The following SGCZ variants were observed in gnomAD, a reference collection of about 807,000 sequenced individuals.
SGCZ encodes zeta-sarcoglycan.
Under a neutral mutation model 41.3 loss-of-function variants are expected in SGCZ, and 40 were observed. The ratio of observed to expected loss-of-function variants is 0.97; its 90% CI spans 0.75 to 1.26. The LOEUF is 1.26. Among genes scored for constraint, SGCZ ranks in the 50% most tolerant of loss-of-function variants. SGCZ has a pLI of 0.00. For synonymous variants in SGCZ, 206 were observed against 137.5 expected (o/e 1.50, Z -3.49); for missense variants, 552 against 369.8 (o/e 1.49, Z -4.04).
intron 4 of SGCZ, among the ~76,000 whole-genome samples, chr8:14,218,746 G>A (rs191590657): frequency 6.3e-4 from 96 of 152,274 alleles, no homozygotes; most frequent in Non-Finnish European, 1.1e-3. Flanking sequence ...AAAATGTGTC[G>A]TAAAGCAGCA....
chr8:14,745,242 G>A (rs1468004906), intron 1 of SGCZ, among the ~76,000 whole-genome samples: 1 of 151,976 alleles, frequency 6.6e-6, no homozygotes. Context: ...AAACACATGT[G>A]TTAGTTGCCA....
chr8:14,825,187 T>C (rs1257136918), intron 1 of SGCZ, among the ~76,000 whole-genome samples: 2 of 152,176 alleles, frequency 1.3e-5, no homozygotes, highest in Non-Finnish European at 2.9e-5. Context: ...AAAACAAAAA[T>C]CTTAACATTA....
chr8:14,631,960 T>G (rs1301955602), intron 1 of SGCZ, among the ~76,000 whole-genome samples: 1 of 152,180 alleles, frequency 6.6e-6, no homozygotes. Flanking sequence ...CACATAATGT[T>G]TGTTACATTA....
At chr8:14,365,731 G>A (rs1205516324) in intron 2 of SGCZ, among the ~76,000 whole-genome samples, 1 of 151,836 alleles carries the variant, frequency 6.6e-6, no homozygotes, top group Non-Finnish European at 1.5e-5. Context: ...GGCTTAACAG[G>A]GATTGTTCCA....
chr8:14,457,581 G>C (rs527884155), intron 2 of SGCZ, among the ~76,000 whole-genome samples: 1 of 152,314 alleles, frequency 6.6e-6, no homozygotes, highest in Non-Finnish European at 1.5e-5. Context: ...CACGCTCCTA[G>C]TCCGCCTTCA....
At chr8:14,987,966 G>A (rs1801880130) in intron 1 of SGCZ, among the ~76,000 whole-genome samples, 2 of 151,872 alleles carry the variant, frequency 1.3e-5, no homozygotes, top group Admixed American at 1.3e-4. Flanking sequence ...AAAACACAGA[G>A]TGAATTTAAT....
chr8:14,764,237 C>G (rs1483962218), intron 1 of SGCZ, among the ~76,000 whole-genome samples: 8 of 152,136 alleles, frequency 5.3e-5, no homozygotes, highest in Non-Finnish European at 1.2e-4. Flanking sequence ...TATGTTAGAA[C>G]TTTTAAAATC....
At chr8:15,144,741 G>A (rs1351465595) in intron 1 of SGCZ, among the ~76,000 whole-genome samples, 1 of 152,218 alleles carries the variant, frequency 6.6e-6, no homozygotes, top group Non-Finnish European at 1.5e-5. Flanking sequence ...ACAGGCATGA[G>A]CAACGGCGCC....
chr8:14,935,640 A>C (rs773217348), intron 1 of SGCZ, among the ~76,000 whole-genome samples: 9 of 152,046 alleles, frequency 5.9e-5, no homozygotes, highest in Admixed American at 3.3e-4. Flanking sequence ...AGTCAAAGGC[A>C]ATTTATAGTA....
intron 5 of SGCZ, among the ~76,000 whole-genome samples, chr8:14,119,212 T>C (rs1802616774): frequency 6.6e-6 from 1 of 152,172 alleles, no homozygotes; most frequent in South Asian, 2.1e-4. Flanking sequence ...TGTTTTTCCA[T>C]TTGTTTGTGG....
chr8:14,354,377 T>A (rs1803214516), intron 2 of SGCZ, among the ~76,000 whole-genome samples: 1 of 151,818 alleles, frequency 6.6e-6, no homozygotes, highest in South Asian at 2.1e-4. Flanking sequence ...AAGAATTTTT[T>A]AAAAAACTCC....
chr8:15,094,558 C>A (rs908283485), intron 1 of SGCZ, among the ~76,000 whole-genome samples: 3 of 152,102 alleles, frequency 2.0e-5, no homozygotes, highest in African/African-American at 7.2e-5. Context: ...GTACTAAAGT[C>A]CTGAGTTAAA....
At chr8:15,126,790 T>C (rs922883010) in intron 1 of SGCZ, among the ~76,000 whole-genome samples, 1 of 151,898 alleles carries the variant, frequency 6.6e-6, no homozygotes, top group Non-Finnish European at 1.5e-5. Context: ...ACTGAAGCAT[T>C]GGGCACATGG....
intron 1 of SGCZ, among the ~76,000 whole-genome samples, chr8:14,711,414 A>C (rs531898024): frequency 9.0e-5 from 13 of 144,232 alleles, no homozygotes; most frequent in African/African-American, 2.9e-4. Context: ...ACATGGTAAA[A>C]TCTCCTCTCT....
intron 1 of SGCZ, among the ~76,000 whole-genome samples, chr8:14,654,770 T>C (rs960212783): frequency 6.6e-6 from 1 of 151,910 alleles, no homozygotes; most frequent in African/African-American, 2.4e-5. Context: ...GAAATAACTT[T>C]AGGTGTTTTA....
At chr8:15,164,167 G>T (rs268411) in intron 1 of SGCZ, among the ~76,000 whole-genome samples, 14,388 of 152,256 alleles carry the variant, frequency 0.094, 1,933 homozygotes, top group African/African-American at 0.3. Context: ...CGTGTCTTCA[G>T]CTGAACTAAG....
At chr8:14,126,769 TGTG>T (rs1321792041) in intron 5 of SGCZ, among the ~76,000 whole-genome samples, 7 of 152,074 alleles carry the variant, frequency 4.6e-5, no homozygotes, top group African/African-American at 1.7e-4. Flanking sequence ...GTAAAGAAAA[TGTG>T]GTGCATATAC....
chr8:14,630,114 C>T (rs1806596288), intron 1 of SGCZ, among the ~76,000 whole-genome samples: 2 of 152,138 alleles, frequency 1.3e-5, no homozygotes, highest in African/African-American at 2.4e-5. Context: ...TTTCTTGCCT[C>T]ATCCCTTATT....
At chr8:14,978,335 G>T (rs113197027) in intron 1 of SGCZ, among the ~76,000 whole-genome samples, 7,744 of 151,106 alleles carry the variant, frequency 0.051, 454 homozygotes, top group African/African-American at 0.13. Flanking sequence ...TGGGCGTGGT[G>T]CCATGGGTAC....
Sources: allele counts gnomAD v4.1 joint callset (sites outside exome capture counted in the v4.1 genomes callset), GRCh38; gene constraint gnomAD v4.1.1; transcripts MANE v1.5; gene names NCBI Gene and HGNC (gene_info 2026-07-23, HGNC 2026-07-21).